Variants in AGMO observed in about 807,000 individuals in gnomAD.
AGMO encodes the protein glyceryl-ether monooxygenase.
Under a neutral mutation model 60.2 loss-of-function variants are expected in AGMO, and 75 were observed. The observed-to-expected ratio is 1.25, with a 90% CI of 1.03 to 1.51. The LOEUF is 1.51. Ranked by LOEUF, AGMO falls within the 40% of genes most tolerant of loss-of-function variation. AGMO has a pLI of 0.00. For missense variants in AGMO, 763 were observed against 525.5 expected, an observed-to-expected ratio of 1.45 and a Z score of -4.42; for synonymous variants, 261 against 177.1, an observed-to-expected ratio of 1.47 and a Z score of -3.76.
At chr7:15,245,576 C>T (rs1782715964) in intron 12 of AGMO, among the ~76,000 whole-genome samples, 1 of 151,370 alleles carries the variant, frequency 6.6e-6, no homozygotes, top group Non-Finnish European at 1.5e-5. Flanking sequence ...AGGTATTGTG[C>T]ACCATAAATA....
intron 5 of AGMO, among the ~76,000 whole-genome samples, chr7:15,399,322 A>G (rs985693579): frequency 1.3e-5 from 2 of 152,162 alleles, no homozygotes; most frequent in African/African-American, 4.8e-5. Flanking sequence ...ATATACTGAA[A>G]AGGAAACATG....
chr7:15,361,776 T>A (rs1386759796), intron 12 of AGMO, among the ~76,000 whole-genome samples: 2 of 152,096 alleles, frequency 1.3e-5, no homozygotes, highest in Non-Finnish European at 2.9e-5. Context: ...AGAGGATAAC[T>A]ATAAATTTGA....
At chr7:15,118,921 A>G in the AGMO span, among the ~76,000 whole-genome samples, 5 of 109,430 alleles carry the variant, frequency 4.6e-5, no homozygotes, top group Admixed American at 6.3e-4. Flanking sequence ...TTTTTGAGAC[A>G]GAGTCTCTCT....
At chr7:15,309,722 T>G (rs1351142973) in intron 12 of AGMO, among the ~76,000 whole-genome samples, 2 of 152,166 alleles carry the variant, frequency 1.3e-5, no homozygotes, top group African/African-American at 4.8e-5. Context: ...CCTTAGTTAT[T>G]ATTATATTTA....
intron 12 of AGMO, among the ~76,000 whole-genome samples, chr7:15,304,957 T>C (rs573943079): frequency 4.1e-4 from 62 of 152,106 alleles, no homozygotes; most frequent in African/African-American, 1.5e-3. Context: ...TGCTTCCCCC[T>C]TCCCCCAGGG....
the AGMO span, among the ~76,000 whole-genome samples, chr7:15,164,398 T>A: frequency 2.6e-5 from 4 of 152,070 alleles, no homozygotes; most frequent in Admixed American, 2.6e-4. Flanking sequence ...AAATGGGACT[T>A]AATTAAACTA....
chr7:15,554,509 T>C (rs1485627668), intron 2 of AGMO, among the ~76,000 whole-genome samples: 1 of 152,188 alleles, frequency 6.6e-6, no homozygotes, highest in East Asian at 1.9e-4. Context: ...TCCTATTTTC[T>C]TCATGAATTC....
chr7:15,476,267 T>C (rs1310786612), intron 3 of AGMO, among the ~76,000 whole-genome samples: 1 of 152,140 alleles, frequency 6.6e-6, no homozygotes, highest in Non-Finnish European at 1.5e-5. Context: ...CAAAACAGTA[T>C]CTAACATTTC....
chr7:15,354,496 GTATA>G (rs60044874), intron 12 of AGMO, among the ~76,000 whole-genome samples: 1,134 of 18,618 alleles, frequency 0.061, 74 homozygotes, highest in Admixed American at 0.073. Flanking sequence ...ATACACACGT[GTATA>G]TATATATATA....
the AGMO span, among the ~76,000 whole-genome samples, chr7:15,155,710 G>A: frequency 5.3e-5 from 8 of 151,998 alleles, no homozygotes; most frequent in Non-Finnish European, 8.8e-5. Context: ...AGACACTCTG[G>A]CTTTCAGAGT....
chr7:15,501,707 T>G (rs2128525486), intron 3 of AGMO, among the ~76,000 whole-genome samples: 1 of 152,084 alleles, frequency 6.6e-6, no homozygotes, highest in Non-Finnish European at 1.5e-5. Context: ...CCTAGGACAT[T>G]AATTCTAGTA....
At chr7:15,340,672 A>C (rs549310578) in intron 12 of AGMO, among the ~76,000 whole-genome samples, 7 of 152,340 alleles carry the variant, frequency 4.6e-5, no homozygotes, top group Admixed American at 4.6e-4. Flanking sequence ...ATGGGTGTGC[A>C]GAAGACAAGA....
the AGMO span, among the ~76,000 whole-genome samples, chr7:15,130,680 C>T: frequency 2.6e-5 from 4 of 151,890 alleles, no homozygotes; most frequent in African/African-American, 7.3e-5. Flanking sequence ...ATACACTTTG[C>T]TATTGGTTTT....
chr7:15,293,088 T>C (rs1784319782), intron 12 of AGMO, among the ~76,000 whole-genome samples: 1 of 152,056 alleles, frequency 6.6e-6, no homozygotes. Flanking sequence ...CCTGAGTTGT[T>C]TATTATTTAG....
At position 15,472,501 on chromosome 7, in the gene AGMO, A is replaced by G. The variant is rs555775986; in HGVS notation, c.410-41393T>C. 2.3e-4 allele frequency among the ~76,000 whole-genome samples: 35 copies of G among 152,000 alleles called. No homozygotes were observed. In the South Asian group the frequency reaches 2.7e-3, roughly 12 times the overall value. On this transcript the variant is annotated intron_variant, in intron 3 of 12. Transcript: ENST00000342526. The stretch of plus-strand genomic sequence containing the variant: ...AATCACAGTACTTTAGACCTGAAAG[A>G]AACCTCAGATGTCACCCAGCCGCAA...
At chr7:15,304,775 T>C (rs913262093) in intron 12 of AGMO, among the ~76,000 whole-genome samples, 1 of 151,990 alleles carries the variant, frequency 6.6e-6, no homozygotes, top group African/African-American at 2.4e-5. Context: ...AACTAAAAAA[T>C]ACAGAACTGG....
At chr7:15,311,236 A>G (rs1432300474) in intron 12 of AGMO, among the ~76,000 whole-genome samples, 1 of 152,178 alleles carries the variant, frequency 6.6e-6, no homozygotes, top group Non-Finnish European at 1.5e-5. Flanking sequence ...AGAGCCCCAA[A>G]TCCAAACAAA....
the AGMO span, among the ~76,000 whole-genome samples, chr7:15,169,422 CTT>C: frequency 6.6e-6 from 1 of 151,848 alleles, no homozygotes; most frequent in African/African-American, 2.4e-5. Flanking sequence ...CAATTGGTGT[CTT>C]TTTCTTTTTT....
At chr7:15,237,044 T>C (rs1782444328) in intron 12 of AGMO, among the ~76,000 whole-genome samples, 1 of 152,124 alleles carries the variant, frequency 6.6e-6, no homozygotes, top group Non-Finnish European at 1.5e-5. Flanking sequence ...GAAAGATCCT[T>C]TGAATACCTT....
Sources: allele counts gnomAD v4.1 joint callset (sites outside exome capture counted in the v4.1 genomes callset), GRCh38; gene constraint gnomAD v4.1.1; transcripts MANE v1.5; gene names NCBI Gene and HGNC (gene_info 2026-07-23, HGNC 2026-07-21).